CATSPERT: variants seen among roughly 807,000 people sequenced by gnomAD.
The protein encoded by CATSPERT is cation channel sperm-associated targeting subunit tau.
chr2:201,544,837 A>AC, the CATSPERT span, among the ~76,000 whole-genome samples: 1 of 150,026 alleles, frequency 6.7e-6, no homozygotes, highest in African/African-American at 2.4e-5. Context: ...AAAAAAAAAA[A>AC]AATACAAAAA....
the CATSPERT span, among the ~76,000 whole-genome samples, chr2:201,503,532 C>T: frequency 6.6e-6 from 1 of 152,052 alleles, no homozygotes; most frequent in Non-Finnish European, 1.5e-5. Flanking sequence ...GTAGCTGGAA[C>T]TATAGGGGGG....
the CATSPERT span, chr2:201,494,188 G>A: frequency 6.5e-7 from 1 of 1,533,946 alleles, no homozygotes; most frequent in Non-Finnish European, 8.7e-7. Flanking sequence ...CATACTACTT[G>A]ATGATTTATC....
At chr2:201,502,976 C>T in the CATSPERT span, among the ~76,000 whole-genome samples, 1 of 151,802 alleles carries the variant, frequency 6.6e-6, no homozygotes, top group Non-Finnish European at 1.5e-5. Flanking sequence ...TTATCTTCTG[C>T]AGCATCTAAT....
At chr2:201,605,208 A>C in the CATSPERT span, among the ~76,000 whole-genome samples, 9 of 152,186 alleles carry the variant, frequency 5.9e-5, no homozygotes, top group Non-Finnish European at 1.3e-4. Flanking sequence ...AACAGAGAGG[A>C]GTAGGGAACA....
chr2:201,561,726 T>C, the CATSPERT span, among the ~76,000 whole-genome samples: 1 of 151,866 alleles, frequency 6.6e-6, no homozygotes, highest in Non-Finnish European at 1.5e-5. Flanking sequence ...ACAAAAAAAT[T>C]AGCCGGGCAT....
At chr2:201,618,916 C>T in the CATSPERT span, 1 of 1,613,630 alleles carries the variant, frequency 6.2e-7, no homozygotes, top group Admixed American at 1.7e-5. Context: ...CAGCCGGTGC[C>T]CGGTGCCCTC....
At chr2:201,582,316 T>C in the CATSPERT span, 8 of 1,176,318 alleles carry the variant, frequency 6.8e-6, no homozygotes, top group Non-Finnish European at 8.2e-6. Context: ...ATGCAAATAT[T>C]ATTATGCAAA....
chr2:201,529,495 A>G, the CATSPERT span, among the ~76,000 whole-genome samples: 3 of 152,202 alleles, frequency 2.0e-5, no homozygotes, highest in Admixed American at 6.5e-5. Flanking sequence ...AAAACACAAA[A>G]GGGAAAGAAC....
At chr2:201,585,122 C>A in the CATSPERT span, among the ~76,000 whole-genome samples, 1 of 151,904 alleles carries the variant, frequency 6.6e-6, no homozygotes, top group Admixed American at 6.6e-5. Flanking sequence ...GACCTGCAAA[C>A]TAACAAAAGA....
the CATSPERT span, among the ~76,000 whole-genome samples, chr2:201,618,381 A>G: frequency 2.8e-4 from 42 of 152,148 alleles, no homozygotes; most frequent in African/African-American, 1.0e-3. Flanking sequence ...ATGCAGCCAT[A>G]TAAAAAGGAT....
chr2:201,500,943 C>T, the CATSPERT span, among the ~76,000 whole-genome samples: 3 of 151,826 alleles, frequency 2.0e-5, no homozygotes, highest in African/African-American at 7.3e-5. Context: ...GGAAATTAAA[C>T]AAAAAATTCT....
the CATSPERT span, among the ~76,000 whole-genome samples, chr2:201,526,454 G>A: frequency 2.4e-4 from 36 of 152,246 alleles, no homozygotes; most frequent in Middle Eastern, 0.01. Context: ...GGAGGCAGAG[G>A]CTGCAGTGAT....
At chr2:201,540,651 A>G in the CATSPERT span, among the ~76,000 whole-genome samples, 1 of 152,222 alleles carries the variant, frequency 6.6e-6, no homozygotes, top group Non-Finnish European at 1.5e-5. Context: ...TCAAAATATT[A>G]CTGCTCAGTG....
chr2:201,580,069 A>G, the CATSPERT span, among the ~76,000 whole-genome samples: 1 of 152,042 alleles, frequency 6.6e-6, no homozygotes, highest in Non-Finnish European at 1.5e-5. Context: ...CTGGTCTCCA[A>G]CTACTGGCCT....
At chr2:201,498,695 T>C in the CATSPERT span, among the ~76,000 whole-genome samples, 1 of 152,162 alleles carries the variant, frequency 6.6e-6, no homozygotes, top group African/African-American at 2.4e-5. Flanking sequence ...ATCATGGGAA[T>C]GTCCATAGTT....
At chr2:201,500,722 C>T in the CATSPERT span, among the ~76,000 whole-genome samples, 12 of 152,014 alleles carry the variant, frequency 7.9e-5, no homozygotes, top group East Asian at 9.7e-4. Flanking sequence ...CCCCTGATGA[C>T]GTCATGAAAC....
the CATSPERT span, among the ~76,000 whole-genome samples, chr2:201,503,247 T>A: frequency 0.039 from 5,865 of 152,264 alleles, 179 homozygotes; most frequent in African/African-American, 0.08. Flanking sequence ...CAGTATTTTT[T>A]AAAAATACAT....
chr2:201,589,083 C>T, the CATSPERT span, among the ~76,000 whole-genome samples: 40 of 152,146 alleles, frequency 2.6e-4, 1 homozygote, highest in East Asian at 7.1e-3. Context: ...GAACTACAAA[C>T]CACTGCTCAA....
At chr2:201,596,831 TC>T in the CATSPERT span, among the ~76,000 whole-genome samples, 2 of 152,230 alleles carry the variant, frequency 1.3e-5, no homozygotes, top group Admixed American at 6.5e-5. Context: ...TTGGTTCTCT[TC>T]CATTTTCACT....
Sources: allele counts gnomAD v4.1 joint callset (sites outside exome capture counted in the v4.1 genomes callset), GRCh38; gene constraint gnomAD v4.1.1; transcripts MANE v1.5; gene names NCBI Gene and HGNC (gene_info 2026-07-23, HGNC 2026-07-21).